SDK1: variants seen among roughly 807,000 people sequenced by gnomAD.
SDK1 encodes protein sidekick-1.
SDK1 carries 157 observed loss-of-function variants against 245.5 expected under a neutral mutation model. That is an observed-to-expected ratio of 0.64 (90% confidence interval 0.56 to 0.73). The LOEUF (loss-of-function observed/expected upper bound fraction) is 0.73, where lower values mean the gene tolerates loss of function less well. Among genes scored for constraint, SDK1 ranks in the 30% least tolerant of loss-of-function variants. The pLI is 0.00. For synonymous variants in SDK1, 1,647 were observed against 1,278.5 expected, an observed-to-expected ratio of 1.29 and a Z score of -6.15; for missense variants, 3,583 against 3,002.3, an observed-to-expected ratio of 1.19 and a Z score of -4.52.
intron 17 of SDK1, among the ~76,000 whole-genome samples, chr7:4,018,428 C>T (rs1460629334): frequency 6.6e-6 from 1 of 152,162 alleles, no homozygotes; most frequent in African/African-American, 2.4e-5. Flanking sequence ...GTTCTGCCTG[C>T]ACAGCGACTA....
intron 1 of SDK1, among the ~76,000 whole-genome samples, chr7:3,509,825 T>A (rs991841858): frequency 5.9e-5 from 9 of 152,176 alleles, no homozygotes; most frequent in Admixed American, 6.5e-5. Flanking sequence ...AATGAGTACT[T>A]AGAGTCTAAA....
chr7:3,728,307 C>T (rs1212836933), intron 4 of SDK1, among the ~76,000 whole-genome samples: 2 of 152,224 alleles, frequency 1.3e-5, no homozygotes, highest in African/African-American at 4.8e-5. Context: ...TCTCAGGGTT[C>T]ACTCCTTCTG....
intron 1 of SDK1, among the ~76,000 whole-genome samples, chr7:3,540,796 G>A (rs1334001110): frequency 1.3e-5 from 2 of 152,162 alleles, no homozygotes; most frequent in South Asian, 2.1e-4. Context: ...TATGTTGAAA[G>A]CCATCATTCG....
At position 4,132,358 on chromosome 7, in the gene SDK1, A is replaced by G; in HGVS notation, c.4163A>G (p.Glu1388Gly). ...CCACCAGTGAGGCTCGTGTTCCCCG[A>G]AGTGAGACTCACCTCCGTGCGGATA... Reference protein sequence around the residue: ...PGPPVRLVFPEVRLTSVRIVW... With the variant: ...PGPPVRLVFPGVRLTSVRIVW... Residue 1388 changes from glutamate (E) to glycine (G), a missense_variant, in exon 28 of 45, where the codon GAA (glutamate) becomes GGA (glycine). Physicochemically the swap from Glu to Gly is moderately conservative, Grantham distance 98 (BLOSUM62 -2). Transcript: ENST00000404826. 1 of 1,612,792 alleles carries G rather than the reference A, an allele frequency of 6.2e-7. No individual in the cohort carries two copies. Among genetic ancestry groups the G allele is most frequent in the Non-Finnish European group, 8.5e-7 (1 of 1,179,188 alleles).
chr7:3,784,236 C>T (rs900678307), intron 4 of SDK1, among the ~76,000 whole-genome samples: 3 of 151,694 alleles, frequency 2.0e-5, no homozygotes, highest in African/African-American at 7.3e-5. Context: ...TGATTTTCAA[C>T]AAAGATATTA....
At chr7:4,233,456 G>A (rs1785934025) in intron 41 of SDK1, 37 bp downstream of exon 41, 1 of 1,589,698 alleles carries the variant, frequency 6.3e-7, no homozygotes, top group South Asian at 1.1e-5. Flanking sequence ...TCTTCTGGAG[G>A]ACTAGAGGGA....
chr7:4,116,069 C>T (rs920739223), intron 25 of SDK1, among the ~76,000 whole-genome samples: 1 of 152,062 alleles, frequency 6.6e-6, no homozygotes, highest in African/African-American at 2.4e-5. Context: ...AAAGCATAGA[C>T]ACTTGGGGGG....
At chr7:4,107,374 G>A (rs1472674597) in intron 22 of SDK1, among the ~76,000 whole-genome samples, 1 of 152,142 alleles carries the variant, frequency 6.6e-6, no homozygotes, top group East Asian at 1.9e-4. Context: ...AGCTACGCAC[G>A]TGAGCCACGT....
intron 1 of SDK1, among the ~76,000 whole-genome samples, chr7:3,376,519 A>G (rs987704910): frequency 1.3e-5 from 2 of 152,206 alleles, no homozygotes; most frequent in South Asian, 4.1e-4. Context: ...TAAATGTATG[A>G]ACAGATATTA....
intron 35 of SDK1, among the ~76,000 whole-genome samples, chr7:4,194,109 C>A (rs943218224): frequency 5.3e-5 from 8 of 152,100 alleles, no homozygotes; most frequent in Admixed American, 3.9e-4. Flanking sequence ...GAACTCCATC[C>A]TGAATATTCT....
At chr7:3,794,135 C>G (rs1230316594) in intron 4 of SDK1, among the ~76,000 whole-genome samples, 2 of 152,090 alleles carry the variant, frequency 1.3e-5, no homozygotes, top group Non-Finnish European at 2.9e-5. Flanking sequence ...AAAAAAGTAT[C>G]ATGAGGTATT....
chr7:4,072,069 T>A (rs1780289916), intron 20 of SDK1, among the ~76,000 whole-genome samples: 1 of 152,264 alleles, frequency 6.6e-6, no homozygotes, highest in African/African-American at 2.4e-5. Context: ...TACTTCCAAT[T>A]TATGATCGTC....
chr7:4,186,525 C>T (rs529233810), intron 35 of SDK1, among the ~76,000 whole-genome samples: 2 of 152,328 alleles, frequency 1.3e-5, no homozygotes, highest in Non-Finnish European at 2.9e-5. Flanking sequence ...ACCCTTAGCT[C>T]GTCCCCGGAG....
rs371022607 is a variant in SDK1, at chr7:3,866,392, T to A, written c.847+44809T>A. On this transcript the variant is annotated intron_variant, in intron 5 of 44. Coordinates refer to ENST00000404826, the MANE Select transcript of SDK1 (RefSeq NM_152744.4). The stretch of plus-strand genomic sequence containing the variant: ...GTCAACAAGCACATAACTGTGATCA[T>A]TCCAGAGAGTGATCTGTGCTTTGAA... Among the ~76,000 whole-genome samples the A allele has an allele frequency of 2.2e-3, 337 of 152,294 alleles. 6 individuals are homozygous for A. The South Asian group carries it at 0.028, about 13-fold the overall frequency.
intron 1 of SDK1, among the ~76,000 whole-genome samples, chr7:3,472,450 C>G (rs1404511482): frequency 6.6e-6 from 1 of 151,920 alleles, no homozygotes; most frequent in East Asian, 1.9e-4. Flanking sequence ...ACAAGGCTAA[C>G]TAAAAAGTTA....
In SDK1 at chr7:3,705,832, A is replaced by G. The variant is rs182537934; in HGVS notation, c.713+63727A>G. Among the ~76,000 whole-genome samples, 7 of 152,054 alleles carry G rather than the reference A, an allele frequency of 4.6e-5. No homozygotes were observed. In the East Asian group the frequency reaches 5.8e-4, roughly 13 times the overall value. ...TGGTGAAAGTGGTCATCCTTGACCTATTTCAGTTCTCAGGGAGAATACTTG... is the reference window on the plus strand; with the variant it reads ...TGGTGAAAGTGGTCATCCTTGACCTGTTTCAGTTCTCAGGGAGAATACTTG... On this transcript the variant is annotated intron_variant, in intron 4 of 44. Coordinates refer to ENST00000404826, the MANE Select transcript of SDK1 (RefSeq NM_152744.4).
intron 35 of SDK1, among the ~76,000 whole-genome samples, chr7:4,203,947 T>C (rs576035357): frequency 2.0e-5 from 3 of 152,204 alleles, no homozygotes; most frequent in Non-Finnish European, 4.4e-5. Context: ...GCCCAGCTCG[T>C]CTCCACCCCA....
intron 38 of SDK1, among the ~76,000 whole-genome samples, chr7:4,210,646 C>T (rs1784464850): frequency 6.6e-6 from 1 of 152,184 alleles, no homozygotes. Flanking sequence ...CTCATCCGTC[C>T]CCTCAGCGGA....
chr7:3,479,876 AT>A (rs1554277608), intron 1 of SDK1, among the ~76,000 whole-genome samples: 49 of 147,714 alleles, frequency 3.3e-4, no homozygotes, highest in East Asian at 2.4e-3. Flanking sequence ...AAAAAAAAAA[AT>A]TTTTTTTTTC....
Sources: gnomAD v4.1 joint callset for allele counts (sites outside exome capture counted in the v4.1 genomes callset) on GRCh38, gnomAD v4.1.1 for gene constraint, MANE v1.5 for transcripts, NCBI Gene and HGNC (gene_info 2026-07-23, HGNC 2026-07-21) for gene names.